Variants in ZNF385D observed in about 807,000 individuals in gnomAD.
ZNF385D encodes the protein zinc finger protein 385D.
ZNF385D carries 15 observed loss-of-function variants against 35.8 expected under a neutral mutation model. The observed-to-expected ratio is 0.42, with a 90% CI of 0.28 to 0.64. The LOEUF is 0.64. Ranked by LOEUF, ZNF385D falls within the 30% of genes least tolerant of loss-of-function variation. The pLI is 0.23. For synonymous variants in ZNF385D, 212 were observed against 186.8 expected, an observed-to-expected ratio of 1.13 and a Z score of -1.10; for missense variants, 474 against 494.6, an observed-to-expected ratio of 0.96 and a Z score of 0.39.
At chr3:21,913,642 C>G (rs1323174237) in intron 3 of ZNF385D, among the ~76,000 whole-genome samples, 1 of 152,066 alleles carries the variant, frequency 6.6e-6, no homozygotes, top group Non-Finnish European at 1.5e-5. Context: ...TCAAAAGATG[C>G]TATTCTTTCT....
intron 4 of ZNF385D, among the ~76,000 whole-genome samples, chr3:21,452,707 A>G (rs1362299687): frequency 6.6e-6 from 1 of 151,982 alleles, no homozygotes; most frequent in East Asian, 1.9e-4. Flanking sequence ...AAAAAAATAG[A>G]ATACCTAAGT....
At chr3:21,938,744 C>T (rs79659495) in intron 3 of ZNF385D, among the ~76,000 whole-genome samples, 1 of 152,194 alleles carries the variant, frequency 6.6e-6, no homozygotes, top group Admixed American at 6.5e-5. Context: ...CTCAACACCC[C>T]CACCTTCTAT....
intron 3 of ZNF385D, among the ~76,000 whole-genome samples, chr3:21,999,248 T>A (rs2878720): frequency 1.3e-5 from 2 of 151,938 alleles, no homozygotes; most frequent in Non-Finnish European, 2.9e-5. Context: ...AGGTTTTCAC[T>A]GACAAACATA....
intron 3 of ZNF385D, among the ~76,000 whole-genome samples, chr3:21,892,200 T>C (rs2125883930): frequency 6.6e-6 from 1 of 152,288 alleles, no homozygotes; most frequent in African/African-American, 2.4e-5. Flanking sequence ...ATAATTGAGA[T>C]GGAAAAATTT....
At chr3:22,219,443 A>G (rs1023419544) in intron 2 of ZNF385D, among the ~76,000 whole-genome samples, 1 of 152,148 alleles carries the variant, frequency 6.6e-6, no homozygotes, top group Non-Finnish European at 1.5e-5. Context: ...CTGTCACCAT[A>G]TATTTTACAA....
chr3:21,501,625 C>T (rs576392311), intron 4 of ZNF385D, among the ~76,000 whole-genome samples: 1 of 152,304 alleles, frequency 6.6e-6, no homozygotes, highest in East Asian at 1.9e-4. Flanking sequence ...TTCATAGATA[C>T]TCATTTGACA....
chr3:21,491,959 A>C (rs865972305), intron 4 of ZNF385D, among the ~76,000 whole-genome samples: 2 of 152,236 alleles, frequency 1.3e-5, no homozygotes, highest in Middle Eastern at 6.8e-3. Context: ...ACACATACAC[A>C]CACATTTAGA....
At chr3:22,203,896 G>A (rs948062669) in intron 2 of ZNF385D, among the ~76,000 whole-genome samples, 1 of 152,092 alleles carries the variant, frequency 6.6e-6, no homozygotes, top group Admixed American at 6.6e-5. Context: ...GGACCTGCCT[G>A]GGGCCCAAGG....
intron 3 of ZNF385D, among the ~76,000 whole-genome samples, chr3:21,908,574 C>A (rs555058889): frequency 6.6e-6 from 1 of 152,002 alleles, no homozygotes; most frequent in African/African-American, 2.4e-5. Context: ...AAGCACAAAT[C>A]AAGGAAAGAT....
intron 3 of ZNF385D, among the ~76,000 whole-genome samples, chr3:21,981,809 T>C (rs779394246): frequency 5.9e-5 from 9 of 152,220 alleles, no homozygotes; most frequent in Non-Finnish European, 1.0e-4. Flanking sequence ...GCACCATTTA[T>C]TGAATAAGAA....
chr3:21,853,346 G>C (rs976280144), intron 3 of ZNF385D, among the ~76,000 whole-genome samples: 3 of 151,652 alleles, frequency 2.0e-5, no homozygotes, highest in African/African-American at 7.3e-5. Context: ...ACATTTTTTA[G>C]GAAGAAAAGT....
intron 2 of ZNF385D, among the ~76,000 whole-genome samples, chr3:22,325,706 C>T (rs1694643507): frequency 6.6e-6 from 1 of 152,036 alleles, no homozygotes. Flanking sequence ...CACAGTGAGC[C>T]AAGATCACGC....
At chr3:21,542,326 C>T (rs1296206258) in intron 3 of ZNF385D, among the ~76,000 whole-genome samples, 1 of 140,162 alleles carries the variant, frequency 7.1e-6, no homozygotes, top group African/African-American at 2.7e-5. Flanking sequence ...TTAGAGATTC[C>T]TGGGTTTTTC....
At chr3:22,173,850 C>T (rs984440408) in intron 2 of ZNF385D, among the ~76,000 whole-genome samples, 15 of 152,120 alleles carry the variant, frequency 9.9e-5, no homozygotes, top group African/African-American at 3.6e-4. Flanking sequence ...AGAAAAGAAA[C>T]GGTTGAGGGT....
intron 2 of ZNF385D, among the ~76,000 whole-genome samples, chr3:22,310,637 A>C (rs1448492099): frequency 6.6e-6 from 1 of 151,946 alleles, no homozygotes; most frequent in Non-Finnish European, 1.5e-5. Context: ...TTGCTTTCTT[A>C]GAAAGAGAAG....
chr3:21,713,581 TG>T (rs2068199256), intron 1 of ZNF385D, among the ~76,000 whole-genome samples: 1 of 152,190 alleles, frequency 6.6e-6, no homozygotes, highest in Non-Finnish European at 1.5e-5. Flanking sequence ...ATTGCTGACC[TG>T]GGGCTACTCT....
At chr3:22,336,937 A>AAAAAAAAAAC in intron 2 of ZNF385D, among the ~76,000 whole-genome samples, 1 of 144,672 alleles carries the variant, frequency 6.9e-6, no homozygotes, top group African/African-American at 2.7e-5. Context: ...AAAAAAAAAA[A>AAAAAAAAAAC]CCCTTACTGT....
rs72625852 is a variant in ZNF385D at position 22,353,180 on chromosome 3, C to T, written c.106+19270G>A. 6.0e-3 allele frequency among the ~76,000 whole-genome samples: 914 copies of T among 152,320 alleles called. 10 individuals are homozygous for T. Among genetic ancestry groups the T allele is most frequent in the East Asian group, 0.049 (255 of 5,176 alleles). The stretch of plus-strand genomic sequence containing the variant: ...TCTGGTTTAGCTTAAATCCACAGGC[C>T]TGCCAGAGCTTCTTGCTACTGGAAT... On this transcript the variant is annotated intron_variant, in intron 2 of 5. Coordinates refer to the ZNF385D transcript ENST00000494108.
At chr3:21,715,949 T>C (rs1238022106) in intron 1 of ZNF385D, among the ~76,000 whole-genome samples, 1 of 152,160 alleles carries the variant, frequency 6.6e-6, no homozygotes, top group Non-Finnish European at 1.5e-5. Flanking sequence ...ACCCTTCAAA[T>C]CTGTTTCTCT....
Sources: allele counts gnomAD v4.1 joint callset (sites outside exome capture counted in the v4.1 genomes callset), GRCh38; gene constraint gnomAD v4.1.1; transcripts MANE v1.5; gene names NCBI Gene and HGNC (gene_info 2026-07-23, HGNC 2026-07-21).